Variants in CSMD3 observed in about 807,000 individuals in gnomAD.
CSMD3 encodes the protein CUB and sushi domain-containing protein 3.
CSMD3 carries 177 observed loss-of-function variants against 435.2 expected under a neutral mutation model. That is an observed-to-expected ratio of 0.41 (90% CI 0.36 to 0.46). The LOEUF (loss-of-function observed/expected upper bound fraction) is 0.46, where lower values mean the gene tolerates loss of function less well. Ranked by LOEUF, CSMD3 falls within the 20% of genes least tolerant of loss-of-function variation. The pLI, the probability that CSMD3 is intolerant of heterozygous loss-of-function variation, is 0.34. For synonymous variants in CSMD3, 1,656 were observed against 1,520.5 expected (o/e 1.09, Z -2.07); for missense variants, 4,265 against 4,504.6 (o/e 0.95, Z 1.52).
Position 113,338,785 on chromosome 8 carries a change from C to T in CSMD3, c.179-23992G>A, listed in dbSNP as rs774243267. On this transcript the variant is annotated intron_variant, in intron 1 of 70. Transcript: ENST00000297405. ...TAGGGTTTTTCTTTAGAATAATGTT[C>T]TTAAACTAGATCATATTGATGCTTG... Among the ~76,000 whole-genome samples, 5 of 151,916 alleles carry T rather than the reference C, an allele frequency of 3.3e-5. No individual in the cohort carries two copies. In the South Asian group the frequency reaches 1.0e-3, roughly 32 times the overall value.
intron 56 of CSMD3, among the ~76,000 whole-genome samples, chr8:112,290,508 T>G (rs2130666518): frequency 6.6e-6 from 1 of 152,094 alleles, no homozygotes; most frequent in East Asian, 1.9e-4. Flanking sequence ...AAATGAATTT[T>G]AATCAGCAGG....
chr8:112,512,419 G>A (rs1289049718), intron 28 of CSMD3, among the ~76,000 whole-genome samples: 1 of 152,096 alleles, frequency 6.6e-6, no homozygotes, highest in Non-Finnish European at 1.5e-5. Flanking sequence ...GTGAACAAAA[G>A]CTCATTTGTA....
chr8:113,282,475 C>G (rs2132479840), intron 2 of CSMD3, among the ~76,000 whole-genome samples: 1 of 151,944 alleles, frequency 6.6e-6, no homozygotes, highest in Middle Eastern at 3.4e-3. Flanking sequence ...AACTCAAACC[C>G]TTTTATGATA....
chr8:112,806,423 C>G (rs2079087232), intron 12 of CSMD3, among the ~76,000 whole-genome samples: 1 of 152,150 alleles, frequency 6.6e-6, no homozygotes, highest in Admixed American at 6.5e-5. Flanking sequence ...AGCATATAAA[C>G]TTTTTAAAAG....
intron 3 of CSMD3, among the ~76,000 whole-genome samples, chr8:113,219,856 G>A (rs185923613): frequency 4.0e-4 from 60 of 151,496 alleles, no homozygotes; most frequent in Admixed American, 3.2e-3. Flanking sequence ...TGATGTGACA[G>A]TCTGGAAAAA....
chr8:112,958,240 G>T (rs1332586216), intron 7 of CSMD3, among the ~76,000 whole-genome samples: 1 of 152,030 alleles, frequency 6.6e-6, no homozygotes, highest in Admixed American at 6.6e-5. Context: ...AGCATTAAAT[G>T]CAAGATTGAT....
At chr8:113,399,330 C>T (rs182867621) in intron 1 of CSMD3, among the ~76,000 whole-genome samples, 14 of 151,226 alleles carry the variant, frequency 9.3e-5, no homozygotes, top group East Asian at 3.9e-4. Flanking sequence ...CTATAGATCC[C>T]AGAGAAATAA....
intron 58 of CSMD3, among the ~76,000 whole-genome samples, chr8:112,284,417 G>A (rs1256367560): frequency 1.3e-5 from 2 of 151,642 alleles, no homozygotes; most frequent in African/African-American, 4.8e-5. Flanking sequence ...CTCTGTCCTA[G>A]TATTATTTTT....
intron 58 of CSMD3, among the ~76,000 whole-genome samples, chr8:112,286,022 T>C (rs1214854386): frequency 6.6e-6 from 1 of 152,128 alleles, no homozygotes; most frequent in African/African-American, 2.4e-5. Context: ...ACTGGCACTC[T>C]TGTAAAGATT....
At chr8:113,401,362 A>G (rs2094509301) in intron 1 of CSMD3, among the ~76,000 whole-genome samples, 1 of 151,706 alleles carries the variant, frequency 6.6e-6, no homozygotes, top group Admixed American at 6.6e-5. Flanking sequence ...TCCAGTATTT[A>G]TTTTTGATTA....
chr8:112,649,249 C>A (rs548726749), intron 19 of CSMD3, among the ~76,000 whole-genome samples: 1 of 152,142 alleles, frequency 6.6e-6, no homozygotes, highest in African/African-American at 2.4e-5. Flanking sequence ...ACAGCTTCTG[C>A]TTTTATTTTT....
intron 3 of CSMD3, among the ~76,000 whole-genome samples, chr8:113,231,953 G>A (rs1398137609): frequency 6.6e-6 from 1 of 151,388 alleles, no homozygotes; most frequent in Non-Finnish European, 1.5e-5. Flanking sequence ...CCCAAAAAAT[G>A]AGTAAAAATA....
intron 22 of CSMD3, among the ~76,000 whole-genome samples, chr8:112,600,206 T>C (rs1385460290): frequency 1.3e-5 from 2 of 152,120 alleles, no homozygotes; most frequent in Admixed American, 1.3e-4. Flanking sequence ...CTATAATTAC[T>C]ACTATAGAAC....
At chr8:113,090,866 A>G (rs1351390) in intron 5 of CSMD3, among the ~76,000 whole-genome samples, 102,098 of 151,942 alleles carry the variant, frequency 0.67, 35,925 homozygotes, top group East Asian at 0.95. Flanking sequence ...CTCCAGAGAA[A>G]GTATTTCAAA....
chr8:112,988,878 T>A (rs1202683837), intron 6 of CSMD3, among the ~76,000 whole-genome samples: 1 of 152,044 alleles, frequency 6.6e-6, no homozygotes, highest in African/African-American at 2.4e-5. Flanking sequence ...GATAAGCAAT[T>A]CATATATAAT....
intron 35 of CSMD3, among the ~76,000 whole-genome samples, chr8:112,394,761 G>T (rs1338650894): frequency 2.0e-5 from 3 of 152,238 alleles, no homozygotes; most frequent in African/African-American, 7.2e-5. Flanking sequence ...CAAAAGAAAA[G>T]AATATATTTC....
chr8:112,976,355 C>T (rs1454593161), intron 6 of CSMD3, among the ~76,000 whole-genome samples: 1 of 151,988 alleles, frequency 6.6e-6, no homozygotes, highest in Non-Finnish European at 1.5e-5. Flanking sequence ...GATATACACA[C>T]AAAATATACC....
intron 5 of CSMD3, among the ~76,000 whole-genome samples, chr8:113,093,888 A>G (rs1464069004): frequency 6.6e-6 from 1 of 152,144 alleles, no homozygotes; most frequent in Non-Finnish European, 1.5e-5. Context: ...CCTGCATGCC[A>G]TGTTTTCACT....
At chr8:113,241,067 C>T (rs1452935937) in intron 3 of CSMD3, among the ~76,000 whole-genome samples, 1 of 152,084 alleles carries the variant, frequency 6.6e-6, no homozygotes, top group African/African-American at 2.4e-5. Context: ...TTTTTTGCCA[C>T]TTATTCCCAC....
Sources: allele counts gnomAD v4.1 joint callset (sites outside exome capture counted in the v4.1 genomes callset), GRCh38; gene constraint gnomAD v4.1.1; transcripts MANE v1.5; gene names NCBI Gene and HGNC (gene_info 2026-07-23, HGNC 2026-07-21).